CDK19: variants seen among roughly 807,000 people sequenced by gnomAD.
CDK19 encodes cyclin dependent kinase 19.
In CDK19, 20 loss-of-function variants were observed where a neutral mutation model predicts 68.3. That is an observed-to-expected ratio of 0.29 (90% CI 0.21 to 0.43). The LOEUF (loss-of-function observed/expected upper bound fraction) is 0.43, where lower values mean the gene tolerates loss of function less well. Ranked by LOEUF, CDK19 falls within the 20% of genes least tolerant of loss-of-function variation. CDK19 has a pLI of 1.00. For synonymous variants in CDK19, 221 were observed against 222.8 expected (o/e 0.99, Z 0.07); for missense variants, 339 against 623.5 (o/e 0.54, Z 4.86).
intron 4 of CDK19, among the ~76,000 whole-genome samples, chr6:110,662,396 A>G (rs1003299985): frequency 1.3e-5 from 2 of 152,174 alleles, no homozygotes; most frequent in African/African-American, 4.8e-5. Context: ...TGAAAAAGAA[A>G]TAGTCTAACT....
At chr6:110,716,263 T>TA (rs1364172702) in intron 2 of CDK19, among the ~76,000 whole-genome samples, 1 of 152,192 alleles carries the variant, frequency 6.6e-6, no homozygotes, top group Non-Finnish European at 1.5e-5. Flanking sequence ...TAATTTTTAT[T>TA]AGAGTACGTA....
At chr6:110,795,537 T>A (rs1041023785) in intron 1 of CDK19, among the ~76,000 whole-genome samples, 2 of 152,182 alleles carry the variant, frequency 1.3e-5, no homozygotes, top group African/African-American at 4.8e-5. Context: ...GAGGTTGAGA[T>A]GAGGGGCACT....
intron 1 of CDK19, among the ~76,000 whole-genome samples, chr6:110,785,275 T>C (rs886457534): frequency 2.6e-5 from 4 of 152,144 alleles, no homozygotes; most frequent in African/African-American, 4.8e-5. Flanking sequence ...AGTTGATCCT[T>C]GAACAACACA....
At position 110,621,251 on chromosome 6, in the gene CDK19, A is replaced by C. The variant is rs201898562; in HGVS notation, c.1230T>G (p.Gly410=). The stretch of plus-strand genomic sequence containing the variant: ...TGCCCCCGACCCCGGCCCCAGCCCC[A>C]CCTGCGGTCCCGTTGGTCTGGGTGC... ...QNSTQTNGTA[G]GAGAGVGGTG... is the part of the protein sequence containing the mutation. Residue 410 remains glycine (G), a synonymous_variant, in exon 12 of 13, where the codon GGT becomes GGG. Transcript: ENST00000368911. The surrounding 1 kb of genome is among the most constrained non-coding windows in gnomAD (Gnocchi z 5.4). 5.7e-5 allele frequency: 92 copies of C among 1,613,026 alleles called. 2 individuals are homozygous for C. In the East Asian group the frequency reaches 1.5e-3, roughly 26 times the overall value.
intron 8 of CDK19, among the ~76,000 whole-genome samples, chr6:110,625,314 T>C (rs529282215): frequency 6.6e-6 from 1 of 152,120 alleles, no homozygotes; most frequent in African/African-American, 2.4e-5. Flanking sequence ...CAGTAGCATA[T>C]GCGTAATAAT....
intron 2 of CDK19, among the ~76,000 whole-genome samples, chr6:110,741,338 T>C (rs1170959579): frequency 6.6e-6 from 1 of 151,836 alleles, no homozygotes; most frequent in African/African-American, 2.4e-5. Context: ...GGTGCATACC[T>C]GCAGTCCCAG....
At chr6:110,650,232 C>A (rs1300033093) in intron 4 of CDK19, among the ~76,000 whole-genome samples, 1 of 152,144 alleles carries the variant, frequency 6.6e-6, no homozygotes, top group Non-Finnish European at 1.5e-5. Flanking sequence ...ATAAATCTAT[C>A]TTTAAGTAGA....
At chr6:110,769,771 T>A (rs1779876142) in intron 1 of CDK19, among the ~76,000 whole-genome samples, 1 of 152,090 alleles carries the variant, frequency 6.6e-6, no homozygotes, top group Non-Finnish European at 1.5e-5. Flanking sequence ...GGGAGCTGGG[T>A]GAGGAGTATT....
In CDK19 at chr6:110,744,010, CG is replaced by C. The variant is rs1456657812; in HGVS notation, c.204+2115del. Among the ~76,000 whole-genome samples the C allele has an allele frequency of 7.9e-3, 693 of 88,082 alleles. 6 individuals carry two copies. Among genetic ancestry groups the C allele is most frequent in the African/African-American group, 0.029 (674 of 23,542 alleles). 57.8% of individuals were successfully genotyped at this position (88,082 alleles called of 152,430 possible). A position where few individuals can be genotyped will look rare whatever the true frequency, so the allele number is the denominator to read the frequency against. On this transcript the variant is annotated intron_variant, in intron 2 of 12. Transcript: ENST00000368911. Reference sequence around the variant, plus strand: ...GTAAAACATTACAAATACCTCCCCACGTTTTTTTTTTTTTTTTTTTTGAGAC... The same window carrying C: ...GTAAAACATTACAAATACCTCCCCACTTTTTTTTTTTTTTTTTTTTGAGAC...
chr6:110,674,477 A>C (rs929470811), intron 2 of CDK19, among the ~76,000 whole-genome samples: 1 of 152,358 alleles, frequency 6.6e-6, no homozygotes, highest in African/African-American at 2.4e-5. Context: ...TGCAAAGAAA[A>C]AGTTCTTGAA....
At chr6:110,628,396 A>T (rs1415675028) in intron 6 of CDK19, among the ~76,000 whole-genome samples, 1 of 152,158 alleles carries the variant, frequency 6.6e-6, no homozygotes, top group Non-Finnish European at 1.5e-5. Context: ...CAGTTCGAAA[A>T]TATTAAATGG....
chr6:110,773,700 G>C (rs114952184), intron 1 of CDK19, among the ~76,000 whole-genome samples: 1,551 of 152,062 alleles, frequency 0.01, 28 homozygotes, highest in African/African-American at 0.034. Flanking sequence ...ATGAATTTTA[G>C]TAATACTGAA....
At chr6:110,640,998 A>G (rs1478447029) in intron 4 of CDK19, among the ~76,000 whole-genome samples, 1 of 152,098 alleles carries the variant, frequency 6.6e-6, no homozygotes, top group African/African-American at 2.4e-5. Flanking sequence ...GAAATGTGAA[A>G]TGCCTAAGTC....
intron 2 of CDK19, among the ~76,000 whole-genome samples, chr6:110,716,166 A>G (rs926172930): frequency 7.9e-5 from 12 of 152,174 alleles, no homozygotes; most frequent in Admixed American, 3.9e-4. Flanking sequence ...CTTTAATTCC[A>G]TATCTAACAT....
Position 110,611,130 on chromosome 6 carries a change from TC to T in CDK19, c.*3404del, listed in dbSNP as rs1206659232. On this transcript the variant is annotated 3_prime_UTR_variant, in exon 13 of 13. Transcript: ENST00000368911. ...CTTCATCACAAGGATTGTTTCAGCC[TC>T]ATAGTATCAGCCCTGCTGCCAAAGC... 8.5e-5 allele frequency: 13 copies of T among 152,234 alleles called. No individual in the cohort carries two copies. The highest frequency in any genetic ancestry group is 8.5e-4 in the Admixed American group (13 of 15,288). The allele number at this position is 152,234 out of a possible 1,614,324, so 9.4% of individuals were successfully genotyped here.
intron 12 of CDK19, among the ~76,000 whole-genome samples, chr6:110,619,473 A>C (rs1046619811): frequency 6.6e-6 from 1 of 151,750 alleles, no homozygotes; most frequent in Non-Finnish European, 1.5e-5. Flanking sequence ...TTGTCTGCAA[A>C]GAGGCTGGAG....
intron 1 of CDK19, among the ~76,000 whole-genome samples, chr6:110,789,805 A>G (rs1781471553): frequency 6.6e-6 from 1 of 152,178 alleles, no homozygotes; most frequent in Non-Finnish European, 1.5e-5. Flanking sequence ...TTTATGACAC[A>G]CCTAATTTTT....
chr6:110,719,766 T>C (rs1293775049), intron 2 of CDK19, among the ~76,000 whole-genome samples: 1 of 152,184 alleles, frequency 6.6e-6, no homozygotes, highest in African/African-American at 2.4e-5. Flanking sequence ...AGTCTCACTC[T>C]GTCACACAGG....
At chr6:110,808,988 T>C (rs1277278185) in intron 1 of CDK19, among the ~76,000 whole-genome samples, 4 of 147,318 alleles carry the variant, frequency 2.7e-5, no homozygotes, top group Non-Finnish European at 4.5e-5. Flanking sequence ...AAGTGGATCA[T>C]GAGGTCAGGA....
Sources: allele counts gnomAD v4.1 joint callset (sites outside exome capture counted in the v4.1 genomes callset), GRCh38; gene constraint gnomAD v4.1.1; non-coding constraint Gnocchi (gnomAD v3.1); transcripts MANE v1.5; gene names NCBI Gene and HGNC (gene_info 2026-07-23, HGNC 2026-07-21).